Variants in KIAA1671 observed in about 807,000 individuals in gnomAD.
KIAA1671 encodes the protein uncharacterized protein KIAA1671.
A neutral mutation model predicts 131.2 loss-of-function variants in KIAA1671; 52 were observed. That is an observed-to-expected ratio of 0.40 (90% CI 0.32 to 0.50). The LOEUF (loss-of-function observed/expected upper bound fraction) is 0.50, where lower values mean the gene tolerates loss of function less well. Among genes scored for constraint, KIAA1671 ranks in the 20% least tolerant of loss-of-function variants. The pLI, the probability that KIAA1671 is intolerant of heterozygous loss-of-function variation, is 0.73. For synonymous variants in KIAA1671, 1,003 were observed against 961.6 expected, an observed-to-expected ratio of 1.04 and a Z score of -0.80; for missense variants, 2,360 against 2,364.2, an observed-to-expected ratio of 1.00 and a Z score of 0.04.
chr22:25,004,211 G>T (rs574985705), intron 1 of KIAA1671, among the ~76,000 whole-genome samples: 16 of 151,700 alleles, frequency 1.1e-4, no homozygotes, highest in African/African-American at 3.6e-4. Context: ...GAACTCCTGG[G>T]CTCCAGTGAG....
chr22:25,098,846 T>G (rs1930513146), intron 6 of KIAA1671, among the ~76,000 whole-genome samples: 1 of 152,162 alleles, frequency 6.6e-6, no homozygotes, highest in East Asian at 1.9e-4. Context: ...CCAGCATGGC[T>G]CCTGGAACAG....
At chr22:25,188,645 A>G (rs1320274455) in intron 11 of KIAA1671, among the ~76,000 whole-genome samples, 1 of 152,190 alleles carries the variant, frequency 6.6e-6, no homozygotes, top group Non-Finnish European at 1.5e-5. Context: ...ACATACGTAT[A>G]TTTTGTATGT....
At position 25,194,211 on chromosome 22, in the gene KIAA1671, C is replaced by G. The variant is rs1352406656; in HGVS notation, c.*1810C>G. The G allele has an allele frequency of 3.9e-5, 6 of 152,144 alleles. No homozygotes were observed. Among genetic ancestry groups the G allele is most frequent in the Non-Finnish European group, 4.4e-5 (3 of 68,070 alleles). 9.4% of individuals were successfully genotyped at this position (152,144 alleles called of 1,614,324 possible). On this transcript the variant is annotated 3_prime_UTR_variant, in exon 13 of 13. Coordinates refer to ENST00000358431, the MANE Select transcript of KIAA1671 (RefSeq NM_001145206.2). ...ACCTCAGCCTCCCAAGTAGCTGGGACTACAGGTGTATGCTACCATGACCAG... is the reference window on the plus strand; with the variant it reads ...ACCTCAGCCTCCCAAGTAGCTGGGAGTACAGGTGTATGCTACCATGACCAG...
chr22:25,180,174 A>G (rs533041766), intron 9 of KIAA1671, among the ~76,000 whole-genome samples: 177 of 152,378 alleles, frequency 1.2e-3, no homozygotes, highest in African/African-American at 4.1e-3. Flanking sequence ...GGCAGGGGCC[A>G]GATCATGGAG....
At chr22:25,140,844 A>G (rs1042176296) in intron 6 of KIAA1671, among the ~76,000 whole-genome samples, 1 of 152,208 alleles carries the variant, frequency 6.6e-6, no homozygotes, top group Non-Finnish European at 1.5e-5. Flanking sequence ...AGTGCATTTC[A>G]TATGTGGTCA....
chr22:24,956,633 G>A (rs889052897), intron 1 of KIAA1671, among the ~76,000 whole-genome samples: 2 of 152,108 alleles, frequency 1.3e-5, no homozygotes, highest in African/African-American at 4.8e-5. Context: ...TTGAGAGGCC[G>A]AGGCGGATGG....
chr22:25,092,331 C>T (rs377612758), intron 6 of KIAA1671, among the ~76,000 whole-genome samples: 2 of 152,126 alleles, frequency 1.3e-5, no homozygotes, highest in East Asian at 1.9e-4. Context: ...GGGAACAGCA[C>T]GTGCAAAGGC....
intron 4 of KIAA1671, among the ~76,000 whole-genome samples, chr22:25,037,768 C>T (rs897725563): frequency 1.3e-5 from 2 of 152,134 alleles, no homozygotes; most frequent in South Asian, 4.1e-4. Context: ...AGCTTTTTGA[C>T]TGGCTTCTTT....
intron 6 of KIAA1671, among the ~76,000 whole-genome samples, chr22:25,075,841 T>C (rs1601288151): frequency 6.7e-6 from 1 of 148,636 alleles, no homozygotes; most frequent in Non-Finnish European, 1.5e-5. Context: ...AGTGGCGCGA[T>C]CTCGACTCAC....
intron 6 of KIAA1671, among the ~76,000 whole-genome samples, chr22:25,154,865 G>A (rs986965718): frequency 1.3e-5 from 2 of 152,184 alleles, no homozygotes; most frequent in South Asian, 2.1e-4. Flanking sequence ...GCAGATGAGA[G>A]GGGGCTGTCC....
intron 1 of KIAA1671, among the ~76,000 whole-genome samples, chr22:24,959,702 C>T (rs577836664): frequency 6.6e-6 from 1 of 152,026 alleles, no homozygotes; most frequent in African/African-American, 2.4e-5. Context: ...GTCAACTGTA[C>T]GAGAAGAAGG....
chr22:25,057,855 G>A (rs1420344487), intron 6 of KIAA1671: 3 of 152,264 alleles, frequency 2.0e-5, no homozygotes, highest in Non-Finnish European at 4.4e-5. Flanking sequence ...TGCCCAGGCT[G>A]GTCTTAAACT....
chr22:24,984,009 C>T (rs1923374056), intron 1 of KIAA1671, among the ~76,000 whole-genome samples: 3 of 151,984 alleles, frequency 2.0e-5, no homozygotes, highest in Admixed American at 1.3e-4. Flanking sequence ...AACTCCCGAC[C>T]TCAGGTGATC....
At chr22:25,018,350 ATGTT>A in intron 1 of KIAA1671, among the ~76,000 whole-genome samples, 1 of 151,308 alleles carries the variant, frequency 6.6e-6, no homozygotes, top group African/African-American at 2.4e-5. Context: ...GGTTCCCGTT[ATGTT>A]TGTTTTTTAG....
chr22:25,150,420 T>C lies in KIAA1671; in HGVS notation c.4531-20400T>C, dbSNP rs150542638. 7.2e-5 allele frequency among the ~76,000 whole-genome samples: 11 copies of C among 152,294 alleles called. No individual in the cohort carries two copies. In the East Asian group the frequency reaches 2.1e-3, roughly 29 times the overall value. ...AGGCCATACAGCCAGGGACGCAGGCTCTGTCGGCCCTCTGAGCCCTTTCCC... is the reference window on the plus strand; with the variant it reads ...AGGCCATACAGCCAGGGACGCAGGCCCTGTCGGCCCTCTGAGCCCTTTCCC... On this transcript the variant is annotated intron_variant, in intron 6 of 12. Coordinates refer to ENST00000358431, the MANE Select transcript of KIAA1671 (RefSeq NM_001145206.2).
intron 3 of KIAA1671, among the ~76,000 whole-genome samples, chr22:25,031,193 ATTTT>A (rs58221822): frequency 9.7e-5 from 11 of 113,350 alleles, no homozygotes; most frequent in African/African-American, 2.3e-4. Flanking sequence ...CACCCAGCTA[ATTTT>A]TTTTTTTTTT....
At chr22:25,002,757 A>C (rs1176333740) in intron 1 of KIAA1671, among the ~76,000 whole-genome samples, 2 of 151,196 alleles carry the variant, frequency 1.3e-5, no homozygotes, top group African/African-American at 4.9e-5. Flanking sequence ...AATTCAGTCC[A>C]TTGAACTTTG....
At chr22:24,981,359 A>G (rs1170643226) in intron 1 of KIAA1671, among the ~76,000 whole-genome samples, 2 of 152,108 alleles carry the variant, frequency 1.3e-5, no homozygotes, top group Non-Finnish European at 2.9e-5. Flanking sequence ...TTAAGAACCC[A>G]CTTCTCACTG....
intron 1 of KIAA1671, among the ~76,000 whole-genome samples, chr22:24,969,193 GC>G (rs1922469607): frequency 6.6e-6 from 1 of 152,174 alleles, no homozygotes; most frequent in Non-Finnish European, 1.5e-5. Flanking sequence ...GAGCCACCGT[GC>G]CCGGCCTCGT....
Sources: gnomAD v4.1 joint callset for allele counts (sites outside exome capture counted in the v4.1 genomes callset) on GRCh38, gnomAD v4.1.1 for gene constraint, MANE v1.5 for transcripts, NCBI Gene and HGNC (gene_info 2026-07-23, HGNC 2026-07-21) for gene names.